The following SAMSN1 variants were observed in gnomAD, a reference collection of about 807,000 sequenced individuals.
SAMSN1 encodes the protein SAM domain-containing protein SAMSN-1.
A neutral mutation model predicts 42.0 loss-of-function variants in SAMSN1; 31 were observed. That is an observed-to-expected ratio of 0.74 (90% CI 0.55 to 1.00). The LOEUF (loss-of-function observed/expected upper bound fraction) is 1.00. Ranked by LOEUF, SAMSN1 falls within the 50% of genes least tolerant of loss-of-function variation. The pLI is 0.00. For missense variants in SAMSN1, 464 were observed against 439.4 expected (o/e 1.06, Z -0.50); for synonymous variants, 178 against 151.9 (o/e 1.17, Z -1.26).
At chr21:14,550,252 A>G (rs557526795), upstream of SAMSN1, among the ~76,000 whole-genome samples, 33 of 152,166 alleles carry the variant, frequency 2.2e-4, 1 homozygote, top group Non-Finnish European at 4.6e-4. Context: ...CTCTAAAGTC[A>G]CTTACCCATT....
intron 2 of SAMSN1, among the ~76,000 whole-genome samples, chr21:14,552,199 C>A (rs1980620471): frequency 6.6e-6 from 1 of 151,974 alleles, no homozygotes; most frequent in Non-Finnish European, 1.5e-5. Context: ...ACTTATTGGC[C>A]CTCAATTCTA....
chr21:14,625,050 A>C (rs1251057407), intron 2 of SAMSN1, among the ~76,000 whole-genome samples: 1 of 152,204 alleles, frequency 6.6e-6, no homozygotes, highest in Non-Finnish European at 1.5e-5. Context: ...CAATAGATGC[A>C]GAAAAGGCCT....
At chr21:14,621,192 C>T (rs1982993611) in intron 2 of SAMSN1, among the ~76,000 whole-genome samples, 1 of 152,134 alleles carries the variant, frequency 6.6e-6, no homozygotes, top group South Asian at 2.1e-4. Context: ...TCCAAGATGG[C>T]CGAATAGGAA....
intron 2 of SAMSN1, among the ~76,000 whole-genome samples, chr21:14,633,945 C>T (rs1192776580): frequency 6.6e-6 from 1 of 152,068 alleles, no homozygotes; most frequent in Non-Finnish European, 1.5e-5. Flanking sequence ...TCATTAATAT[C>T]TAGTAGCTGG....
intron 2 of SAMSN1, among the ~76,000 whole-genome samples, chr21:14,621,979 T>C (rs1427621302): frequency 6.6e-6 from 1 of 152,228 alleles, no homozygotes; most frequent in Non-Finnish European, 1.5e-5. Context: ...TGTTCTCTGT[T>C]CTGCAGCCTC....
chr21:14,499,290 T>A (rs1987040237), intron 6 of SAMSN1, among the ~76,000 whole-genome samples: 3 of 152,082 alleles, frequency 2.0e-5, no homozygotes, highest in Non-Finnish European at 4.4e-5. Flanking sequence ...GATTTCAAAG[T>A]CTGTATGTTA....
chr21:14,613,248 A>C (rs562611589), intron 3 of SAMSN1, among the ~76,000 whole-genome samples: 1 of 152,352 alleles, frequency 6.6e-6, no homozygotes, highest in Non-Finnish European at 1.5e-5. Context: ...CAATAAATAC[A>C]GAAAGAATGA....
intron 1 of SAMSN1, among the ~76,000 whole-genome samples, chr21:14,651,699 A>G (rs1983840073): frequency 6.6e-6 from 1 of 152,032 alleles, no homozygotes. Flanking sequence ...AAGGAAAGAT[A>G]TACATGGCAT....
At chr21:14,494,152 C>T (rs1004331966) in intron 7 of SAMSN1, among the ~76,000 whole-genome samples, 3 of 152,140 alleles carry the variant, frequency 2.0e-5, no homozygotes, top group Admixed American at 2.0e-4. Flanking sequence ...GACAGTGTGG[C>T]GATCCCTCAC....
At chr21:14,564,096 T>G (rs1181588166) in intron 2 of SAMSN1, among the ~76,000 whole-genome samples, 1 of 152,176 alleles carries the variant, frequency 6.6e-6, no homozygotes, top group Non-Finnish European at 1.5e-5. Flanking sequence ...AAGTCTGATT[T>G]GCTTACACTA....
intron 2 of SAMSN1, among the ~76,000 whole-genome samples, chr21:14,639,200 A>G (rs1261513826): frequency 1.3e-5 from 2 of 152,202 alleles, no homozygotes; most frequent in African/African-American, 2.4e-5. Context: ...GCAGAGATAC[A>G]AACATTTTAT....
intron 5 of SAMSN1, among the ~76,000 whole-genome samples, 156 bp from the exon 6 acceptor site, chr21:14,500,891 G>A (rs1187469489): frequency 6.6e-6 from 1 of 152,174 alleles, no homozygotes; most frequent in African/African-American, 2.4e-5. Flanking sequence ...AAAAGTTCAG[G>A]CTGGTGGCAT....
At chr21:14,605,484 T>C (rs781063620) in intron 5 of SAMSN1, among the ~76,000 whole-genome samples, 1 of 152,238 alleles carries the variant, frequency 6.6e-6, no homozygotes, top group Non-Finnish European at 1.5e-5. Flanking sequence ...TAAAATTAAA[T>C]GTGTGTTTCC....
At chr21:14,509,497 T>A (rs141890034) in intron 5 of SAMSN1, among the ~76,000 whole-genome samples, 1 of 152,052 alleles carries the variant, frequency 6.6e-6, no homozygotes, top group East Asian at 1.9e-4. Flanking sequence ...CTAAAGAACT[T>A]ACCCATGTAA....
intron 7 of SAMSN1, among the ~76,000 whole-genome samples, chr21:14,487,792 T>G (rs1346513724): frequency 6.6e-6 from 1 of 152,186 alleles, no homozygotes; most frequent in East Asian, 1.9e-4. Flanking sequence ...GATTCAAATA[T>G]CAGGTATTTG....
intron 2 of SAMSN1, among the ~76,000 whole-genome samples, chr21:14,553,710 T>C (rs962630343): frequency 2.6e-5 from 4 of 152,162 alleles, no homozygotes; most frequent in African/African-American, 9.6e-5. Context: ...TTTCTCAATA[T>C]TTAGAAGGCT....
chr21:14,521,188 G>A lies in SAMSN1; in HGVS notation c.91C>T (p.Arg31Trp), dbSNP rs775995897. 31 of 1,610,716 alleles carry A rather than the reference G, an allele frequency of 1.9e-5. No homozygotes were observed. The highest frequency in any genetic ancestry group is 9.9e-5 in the South Asian group (9 of 90,462). The change falls in exon 2 of 8, where the codon CGG becomes TGG. Residue 31 changes from arginine (R) to tryptophan (W), a missense_variant. Transcript: ENST00000400566. ...SSSFGNFDRF[R>W]NNSLSKPDDS... ...TCTGGTTTTGATAAAGAATTATTCC[G>A]AAAACGATCGAAATTCCCAAAACTG...
At chr21:14,559,349 C>A (rs55801608) in intron 2 of SAMSN1, among the ~76,000 whole-genome samples, 10,084 of 152,216 alleles carry the variant, frequency 0.066, 542 homozygotes, top group African/African-American at 0.15. Context: ...CTTACCAAGG[C>A]AGCAATGGGG....
chr21:14,502,687 C>T (rs1411160197), intron 5 of SAMSN1, among the ~76,000 whole-genome samples: 1 of 152,090 alleles, frequency 6.6e-6, no homozygotes, highest in African/African-American at 2.4e-5. Context: ...CTCTCTCCCA[C>T]AATGGTTACT....
Sources: gnomAD v4.1 joint callset for allele counts (sites outside exome capture counted in the v4.1 genomes callset) on GRCh38, gnomAD v4.1.1 for gene constraint, MANE v1.5 for transcripts, NCBI Gene and HGNC (gene_info 2026-07-23, HGNC 2026-07-21) for gene names.